Variants in LOXL4 observed in about 807,000 individuals in gnomAD.
The protein encoded by LOXL4 is lysyl oxidase like 4.
A neutral mutation model predicts 89.1 loss-of-function variants in LOXL4; 72 were observed. The observed-to-expected ratio is 0.81, with a 90% CI of 0.67 to 0.98. The LOEUF is 0.98. Among genes scored for constraint, LOXL4 ranks in the 50% least tolerant of loss-of-function variants. LOXL4 has a pLI of 0.00. For synonymous variants in LOXL4, 355 were observed against 392.1 expected (o/e 0.91, Z 1.12); for missense variants, 984 against 1,017.5 (o/e 0.97, Z 0.45).
At chr10:98,251,820 C>A in intron 12 of LOXL4, 118 bp from the exon 13 acceptor site, 1 of 1,249,758 alleles carries the variant, frequency 8.0e-7, no homozygotes. Flanking sequence ...ACCGTCAGAG[C>A]TAGAATCCTG....
chr10:98,261,984 G>A, intron 3 of LOXL4, 51 bp downstream of exon 3: 5 of 1,528,618 alleles, frequency 3.3e-6, no homozygotes, highest in Non-Finnish European at 4.4e-6. Flanking sequence ...GAGGCTCTCT[G>A]TTCTCTGACC....
chr10:98,254,136 A>G (rs1032102768), intron 10 of LOXL4, among the ~76,000 whole-genome samples: 2 of 152,246 alleles, frequency 1.3e-5, no homozygotes, highest in Admixed American at 6.5e-5. Flanking sequence ...TAAGATGAAG[A>G]TAATGGTGAT....
intron 10 of LOXL4, among the ~76,000 whole-genome samples, chr10:98,254,101 T>A (rs1297437442): frequency 6.6e-6 from 1 of 152,200 alleles, no homozygotes; most frequent in African/African-American, 2.4e-5. Context: ...TGCTTAACCA[T>A]TTTGTCTCTC....
At chr10:98,254,319 C>T (rs1858295408) in intron 10 of LOXL4, among the ~76,000 whole-genome samples, 1 of 152,224 alleles carries the variant, frequency 6.6e-6, no homozygotes, top group Admixed American at 6.5e-5. Flanking sequence ...CCTGTACTGT[C>T]ACTAAAAATC....
intron 10 of LOXL4, 95 bp from the exon 11 acceptor site, chr10:98,253,891 C>A: frequency 6.6e-7 from 1 of 1,516,190 alleles, no homozygotes; most frequent in Non-Finnish European, 8.9e-7. Context: ...CCAGATTAAA[C>A]CCTCCGAGAG....
chr10:98,250,324 T>C (rs943026936), intron 14 of LOXL4, among the ~76,000 whole-genome samples: 2 of 152,238 alleles, frequency 1.3e-5, no homozygotes, highest in Non-Finnish European at 2.9e-5. Context: ...ATTAGTAGTA[T>C]TGGGGCTATT....
At chr10:98,255,454 C>T in intron 10 of LOXL4, 123 bp downstream of exon 10, 1 of 1,108,782 alleles carries the variant, frequency 9.0e-7, no homozygotes. Context: ...TGGGAAATGG[C>T]AGAGCTGGTA....
chr10:98,252,241 G>T, intron 12 of LOXL4, 112 bp downstream of exon 12: 2 of 747,524 alleles, frequency 2.7e-6, no homozygotes, highest in Non-Finnish European at 4.5e-6. Flanking sequence ...TCAAGCCAGG[G>T]TCTCCAGGTG....
chr10:98,248,812 C>T lies in LOXL4; in HGVS notation c.*109G>A, dbSNP rs924888890. ...GCTTCCTGAGCAGGTTCTTGGTGCCCCTTGGCACTGGCCCTTTTCCTCTGA... is the reference window on the plus strand; with the variant it reads ...GCTTCCTGAGCAGGTTCTTGGTGCCTCTTGGCACTGGCCCTTTTCCTCTGA... On this transcript the variant is annotated 3_prime_UTR_variant, in exon 15 of 15. Transcript: ENST00000260702. 1 of 978,996 alleles carries T rather than the reference C, an allele frequency of 1.0e-6. No individual in the cohort carries two copies. Among genetic ancestry groups the T allele is most frequent in the Non-Finnish European group, 1.6e-6 (1 of 639,516 alleles). The allele number at this position is 978,996 out of a possible 1,614,324, so 60.6% of individuals were successfully genotyped here.
In LOXL4 at chr10:98,262,883, AG is replaced by A; in HGVS notation, c.136del (p.Leu46TrpfsTer35). The A allele has an allele frequency of 6.2e-7, 1 of 1,613,696 alleles. No homozygotes were observed. Among genetic ancestry groups the A allele is most frequent in the Non-Finnish European group, 8.5e-7 (1 of 1,180,034 alleles). On this transcript the variant is annotated frameshift_variant, in exon 2 of 15. Coordinates refer to ENST00000260702, the MANE Select transcript of LOXL4 (RefSeq NM_032211.7). LOFTEE classifies it high-confidence loss of function. The part of the protein sequence containing the change: ...GPESKPEEGR[L>X]EVLHQGQWGT... ...CCACTGGCCCTGGTGCAGCACCTCC[AG>A]GCGGCCCTCCTCTGGCTTGCTCTCT...
At position 98,251,551 on chromosome 10, in the gene LOXL4, C is replaced by T. The variant is rs776419024; in HGVS notation, c.2088+15G>A. 1.9e-6 allele frequency: 3 copies of T among 1,613,208 alleles called. No individual in the cohort carries two copies. The highest frequency in any genetic ancestry group is 3.3e-5 in the Admixed American group (2 of 59,924). ...AGGAAATCAGGCTCTGTGGGGAATC[C>T]CCCAGCCGCCTTACCTGGAAGATAT... On this transcript the variant is annotated intron_variant, in intron 13 of 14. Coordinates refer to ENST00000260702, the MANE Select transcript of LOXL4 (RefSeq NM_032211.7).
rs776612272 is a variant in LOXL4 at position 98,252,440 on chromosome 10, G to T, written c.1864C>A (p.His622Asn). Reference protein sequence around the residue: ...RHYHSIEVFTHYDLLTLNGSK... With the variant: ...RHYHSIEVFTNYDLLTLNGSK... ...CCATTGAGAGTGAGGAGGTCGTAGT[G>T]GGTGAAGACCTCAATGCTGTGGTAA... The change falls in exon 12 of 15, where the codon CAC becomes AAC. Residue 622 changes from histidine to asparagine, a missense_variant. By Grantham distance (68) the His-to-Asn change is moderately conservative (BLOSUM62 1). Transcript: ENST00000260702. 2.4e-5 allele frequency: 39 copies of T among 1,613,744 alleles called. No individual in the cohort carries two copies. In the East Asian group the frequency reaches 8.7e-4, roughly 36 times the overall value.
chr10:98,256,693 A>G, intron 9 of LOXL4, 87 bp downstream of exon 9: 1 of 1,510,452 alleles, frequency 6.6e-7, no homozygotes, highest in Non-Finnish European at 9.1e-7. Flanking sequence ...CAAATGGGCA[A>G]AGAGGCAGCA....
chr10:98,251,280 T>G, intron 13 of LOXL4, 104 bp from the exon 14 acceptor site: 1 of 941,294 alleles, frequency 1.1e-6, no homozygotes, highest in Non-Finnish European at 1.7e-6. Context: ...CTTCATTAAT[T>G]CTTAACAATT....
chr10:98,251,865 A>G (rs754545624), intron 12 of LOXL4, among the ~76,000 whole-genome samples, 163 bp from the exon 13 acceptor site: 1 of 152,226 alleles, frequency 6.6e-6, no homozygotes, highest in Non-Finnish European at 1.5e-5. Flanking sequence ...CCACATTGTG[A>G]CAAAGATAGG....
chr10:98,263,972 C>A (rs971190204), intron 1 of LOXL4, among the ~76,000 whole-genome samples: 44 of 151,942 alleles, frequency 2.9e-4, no homozygotes, highest in Non-Finnish European at 5.1e-4. Flanking sequence ...ACCTCGTGAT[C>A]CATCCGCCTT....
At chr10:98,251,537 C>T (rs1411613111) in intron 13 of LOXL4, 29 bp downstream of exon 13, 3 of 1,611,518 alleles carry the variant, frequency 1.9e-6, no homozygotes, top group Non-Finnish European at 2.5e-6. Flanking sequence ...GGAAATCAGG[C>T]TCTGTGGGGA....
chr10:98,260,898 G>A, intron 4 of LOXL4, 24 bp downstream of exon 4: 1 of 1,583,156 alleles, frequency 6.3e-7, no homozygotes, highest in Non-Finnish European at 8.6e-7. Context: ...CCTCCTGTGG[G>A]GCCTACGCCA....
Position 98,251,056 on chromosome 10 carries a change from C to T in LOXL4, c.2200+9G>A, listed in dbSNP as rs151200395. The T allele has an allele frequency of 3.9e-5, 62 of 1,605,080 alleles. No individual in the cohort carries two copies. The African/African-American group carries it at 5.9e-4, about 15-fold the overall frequency. ...ATAGATGGCTGATTCCACAGTGGCTCGGAGTTACCTGTGTGGCAGTTGTGC... is the reference window on the plus strand; with the variant it reads ...ATAGATGGCTGATTCCACAGTGGCTTGGAGTTACCTGTGTGGCAGTTGTGC... On this transcript the variant is annotated intron_variant, in intron 14 of 14. Coordinates refer to ENST00000260702, the MANE Select transcript of LOXL4 (RefSeq NM_032211.7).
Sources: gnomAD v4.1 joint callset for allele counts (sites outside exome capture counted in the v4.1 genomes callset) on GRCh38, gnomAD v4.1.1 for gene constraint, MANE v1.5 for transcripts, NCBI Gene and HGNC (gene_info 2026-07-23, HGNC 2026-07-21) for gene names.